The following ARHGAP26 variants were observed in gnomAD, a reference collection of about 807,000 sequenced individuals.
ARHGAP26 encodes the protein Rho GTPase activating protein 26.
ARHGAP26 carries 38 observed loss-of-function variants against 104.8 expected under a neutral mutation model. The observed-to-expected ratio is 0.36, with a 90% CI of 0.28 to 0.48. The LOEUF is 0.48. Ranked by LOEUF, ARHGAP26 falls within the 20% of genes least tolerant of loss-of-function variation. ARHGAP26 has a pLI of 0.99. For missense variants in ARHGAP26, 704 were observed against 947.9 expected, an observed-to-expected ratio of 0.74 and a Z score of 3.38; for synonymous variants, 341 against 340.0, an observed-to-expected ratio of 1.00 and a Z score of -0.03.
At chr5:142,854,523 A>G (rs1752036089) in intron 1 of ARHGAP26, among the ~76,000 whole-genome samples, 1 of 152,240 alleles carries the variant, frequency 6.6e-6, no homozygotes, top group Admixed American at 6.5e-5. Flanking sequence ...GAGTTAAAGG[A>G]TGAATGGGTG....
chr5:142,891,666 T>C (rs1454462466), intron 5 of ARHGAP26, among the ~76,000 whole-genome samples: 2 of 151,974 alleles, frequency 1.3e-5, no homozygotes, highest in East Asian at 3.8e-4. Context: ...TCCAAGTTTC[T>C]TCTGTAGGAA....
intron 17 of ARHGAP26, among the ~76,000 whole-genome samples, chr5:143,111,576 A>C (rs998415611): frequency 2.0e-5 from 3 of 152,216 alleles, no homozygotes; most frequent in Non-Finnish European, 4.4e-5. Context: ...GTTACTGTTG[A>C]TGGAAATCCT....
intron 1 of ARHGAP26, among the ~76,000 whole-genome samples, chr5:142,840,748 A>G (rs1770623649): frequency 6.6e-6 from 1 of 152,164 alleles, no homozygotes. Flanking sequence ...AGAAGCTGAG[A>G]TGAAATTGTC....
intron 1 of ARHGAP26, among the ~76,000 whole-genome samples, chr5:142,774,970 TC>T (rs1254804468): frequency 2.6e-5 from 4 of 152,198 alleles, no homozygotes; most frequent in African/African-American, 9.7e-5. Flanking sequence ...CCATAGTTTA[TC>T]CTTTCATCTA....
intron 11 of ARHGAP26, among the ~76,000 whole-genome samples, chr5:142,980,716 G>A (rs1773824856): frequency 6.6e-6 from 1 of 152,104 alleles, no homozygotes; most frequent in Non-Finnish European, 1.5e-5. Flanking sequence ...GGTGTTTTGA[G>A]GCCATAAGTA....
intron 20 of ARHGAP26, among the ~76,000 whole-genome samples, chr5:143,185,266 A>C (rs927091246): frequency 6.6e-6 from 1 of 152,232 alleles, no homozygotes; most frequent in African/African-American, 2.4e-5. Flanking sequence ...GAAAGGTTCT[A>C]AAATAGTCAC....
intron 21 of ARHGAP26, among the ~76,000 whole-genome samples, chr5:143,212,276 C>T (rs1323119835): frequency 6.6e-6 from 1 of 151,510 alleles, no homozygotes; most frequent in Non-Finnish European, 1.5e-5. Flanking sequence ...CTCCATTTGC[C>T]TGTCAGTATA....
intron 14 of ARHGAP26, among the ~76,000 whole-genome samples, chr5:143,045,017 A>G (rs1419121076): frequency 1.3e-5 from 2 of 152,220 alleles, no homozygotes; most frequent in Non-Finnish European, 2.9e-5. Context: ...ATGAAAAGAA[A>G]TATGACATTT....
chr5:142,862,438 C>G (rs1753539589), intron 1 of ARHGAP26, among the ~76,000 whole-genome samples: 1 of 152,192 alleles, frequency 6.6e-6, no homozygotes, highest in South Asian at 2.1e-4. Flanking sequence ...AAGTTGTCCT[C>G]TTTTTCATTT....
chr5:142,926,528 C>G (rs1054709171), intron 10 of ARHGAP26, among the ~76,000 whole-genome samples: 1 of 152,092 alleles, frequency 6.6e-6, no homozygotes, highest in Non-Finnish European at 1.5e-5. Flanking sequence ...TTAGAATTTG[C>G]CAAAGACCCC....
intron 11 of ARHGAP26, among the ~76,000 whole-genome samples, chr5:142,998,982 C>G (rs1386091761): frequency 6.6e-6 from 1 of 152,092 alleles, no homozygotes; most frequent in African/African-American, 2.4e-5. Context: ...TGTTACCATC[C>G]TAATGTATAT....
chr5:142,897,685 C>T (rs762308999), intron 6 of ARHGAP26, among the ~76,000 whole-genome samples: 1 of 152,230 alleles, frequency 6.6e-6, no homozygotes, highest in Non-Finnish European at 1.5e-5. Context: ...CTGAAACTGT[C>T]GTGTACCGTG....
intron 11 of ARHGAP26, among the ~76,000 whole-genome samples, chr5:143,006,941 T>A (rs1280112415): frequency 6.6e-6 from 1 of 152,070 alleles, no homozygotes; most frequent in Non-Finnish European, 1.5e-5. Context: ...TTATTAAAAG[T>A]TCCTAAGCCT....
At chr5:142,997,005 T>C (rs1473051838) in intron 11 of ARHGAP26, among the ~76,000 whole-genome samples, 2 of 152,134 alleles carry the variant, frequency 1.3e-5, no homozygotes, top group Non-Finnish European at 2.9e-5. Context: ...AATATATACA[T>C]ATCCTACAAC....
At chr5:142,770,936 G>C (rs2151781367) in intron 1 of ARHGAP26, 21 bp downstream of exon 1, 1 of 1,590,316 alleles carries the variant, frequency 6.3e-7, no homozygotes, top group East Asian at 2.4e-5. Flanking sequence ...CGAGCCCCTC[G>C]GGGACGCGGC....
chr5:142,816,412 A>G (rs1022226901), intron 1 of ARHGAP26, among the ~76,000 whole-genome samples: 1 of 152,242 alleles, frequency 6.6e-6, no homozygotes, highest in African/African-American at 2.4e-5. Flanking sequence ...AGCATCTGGT[A>G]TCATAGAGAA....
At chr5:142,800,825 A>C in intron 1 of ARHGAP26, among the ~76,000 whole-genome samples, 1 of 152,200 alleles carries the variant, frequency 6.6e-6, no homozygotes, top group East Asian at 1.9e-4. Flanking sequence ...AGGTGCCTGC[A>C]AACTGGAAGG....
intron 10 of ARHGAP26, among the ~76,000 whole-genome samples, chr5:142,920,619 T>TG (rs1299494369): frequency 1.3e-5 from 2 of 152,232 alleles, no homozygotes; most frequent in Non-Finnish European, 2.9e-5. Flanking sequence ...CATTTGAAAA[T>TG]GCTGTGTGTT....
chr5:143,172,365 G>A (rs11748220), intron 20 of ARHGAP26, among the ~76,000 whole-genome samples: 7,264 of 152,114 alleles, frequency 0.048, 615 homozygotes, highest in African/African-American at 0.17. Context: ...CAAAGGCTGA[G>A]AGAGGAAGAG....
Sources: allele counts gnomAD v4.1 joint callset (sites outside exome capture counted in the v4.1 genomes callset), GRCh38; gene constraint gnomAD v4.1.1; transcripts MANE v1.5; gene names NCBI Gene and HGNC (gene_info 2026-07-23, HGNC 2026-07-21).